SUCLG2: variants seen among roughly 807,000 people sequenced by gnomAD.
SUCLG2 encodes succinate--CoA ligase [GDP-forming] subunit beta, mitochondrial.
SUCLG2 carries 42 observed loss-of-function variants against 47.9 expected under a neutral mutation model. The observed-to-expected ratio is 0.88, with a 90% confidence interval of 0.69 to 1.14. SUCLG2 has a LOEUF of 1.14. Among genes scored for constraint, SUCLG2 ranks in the 50% most tolerant of loss-of-function variants. The pLI is 0.00. For synonymous variants in SUCLG2, 195 were observed against 197.3 expected, an observed-to-expected ratio of 0.99 and a Z score of 0.10; for missense variants, 571 against 525.9, an observed-to-expected ratio of 1.09 and a Z score of -0.84.
intron 9 of SUCLG2, among the ~76,000 whole-genome samples, chr3:67,420,599 T>C (rs1001499053): frequency 6.6e-6 from 1 of 152,212 alleles, no homozygotes; most frequent in Admixed American, 6.5e-5. Context: ...TAATTTGATA[T>C]TGAAGAGCAA....
intron 6 of SUCLG2, among the ~76,000 whole-genome samples, chr3:67,511,077 C>T (rs1440962961): frequency 3.3e-5 from 5 of 151,876 alleles, no homozygotes; most frequent in South Asian, 4.2e-4. Context: ...TTAGTAGAGA[C>T]GGGTTTTCAC....
chr3:67,431,708 G>C (rs1703486110), intron 9 of SUCLG2, among the ~76,000 whole-genome samples: 1 of 150,964 alleles, frequency 6.6e-6, no homozygotes, highest in Non-Finnish European at 1.5e-5. Context: ...TGGACACACG[G>C]TGGGGAACAT....
intron 2 of SUCLG2, among the ~76,000 whole-genome samples, chr3:67,558,060 C>CA (rs1011577165): frequency 6.6e-6 from 1 of 152,170 alleles, no homozygotes; most frequent in Admixed American, 6.5e-5. Flanking sequence ...TCTTCCCTTC[C>CA]AAAGCCTGTC....
At chr3:67,604,653 A>AGAC (rs1346420516) in intron 2 of SUCLG2, among the ~76,000 whole-genome samples, 1 of 151,828 alleles carries the variant, frequency 6.6e-6, no homozygotes, top group African/African-American at 2.4e-5. Flanking sequence ...GGTGGCGAGA[A>AGAC]GAAGAGAAGG....
chr3:67,621,290 G>A (rs938810856), intron 1 of SUCLG2, among the ~76,000 whole-genome samples: 1 of 151,990 alleles, frequency 6.6e-6, no homozygotes, highest in Non-Finnish European at 1.5e-5. Flanking sequence ...TGGTGATGAG[G>A]TAAAGCTTAC....
intron 2 of SUCLG2, among the ~76,000 whole-genome samples, chr3:67,552,690 T>C (rs970565513): frequency 6.6e-6 from 1 of 152,234 alleles, no homozygotes; most frequent in Non-Finnish European, 1.5e-5. Flanking sequence ...CTCAGTTTCT[T>C]CATCTGCAAA....
At chr3:67,370,575 C>T (rs1157939526), downstream of SUCLG2, among the ~76,000 whole-genome samples, 2 of 151,932 alleles carry the variant, frequency 1.3e-5, no homozygotes, top group African/African-American at 4.8e-5. Flanking sequence ...CGAGTGAATG[C>T]CTAAAACCAC....
At chr3:67,390,195 T>G (rs1226559563) in intron 10 of SUCLG2, among the ~76,000 whole-genome samples, 1 of 152,240 alleles carries the variant, frequency 6.6e-6, no homozygotes, top group African/African-American at 2.4e-5. Flanking sequence ...ACCTATTTCC[T>G]GTGAATAAAG....
intron 10 of SUCLG2, among the ~76,000 whole-genome samples, chr3:67,389,929 G>A (rs574530419): frequency 2.0e-5 from 3 of 152,302 alleles, no homozygotes; most frequent in South Asian, 4.1e-4. Flanking sequence ...TAGCTAGGGA[G>A]AGTGAGGTGA....
chr3:67,518,088 G>C (rs929160412), intron 6 of SUCLG2, among the ~76,000 whole-genome samples, 159 bp downstream of exon 6: 1 of 152,022 alleles, frequency 6.6e-6, no homozygotes, highest in Non-Finnish European at 1.5e-5. Flanking sequence ...TAAAACATCA[G>C]GGAAATATTT....
intron 10 of SUCLG2, among the ~76,000 whole-genome samples, chr3:67,399,400 T>C (rs1312367439): frequency 1.3e-5 from 2 of 152,200 alleles, no homozygotes; most frequent in Non-Finnish European, 1.5e-5. Flanking sequence ...ACTGACACAC[T>C]ATAGTTGCTC....
At chr3:67,484,706 T>C (rs1705007830) in intron 9 of SUCLG2, among the ~76,000 whole-genome samples, 1 of 152,176 alleles carries the variant, frequency 6.6e-6, no homozygotes, top group Non-Finnish European at 1.5e-5. Context: ...AAAGAGATTA[T>C]TCAGCGGTGA....
In SUCLG2 at chr3:67,632,333, C is replaced by T. The variant is rs138275269; in HGVS notation, c.84+22170G>A. Among the ~76,000 whole-genome samples the T allele has an allele frequency of 2.9e-3, 436 of 152,212 alleles. 8 individuals are homozygous for T. The East Asian group carries it at 0.051, about 18-fold the overall frequency. On this transcript the variant is annotated intron_variant, in intron 1 of 10. Coordinates refer to ENST00000307227, the MANE Select transcript of SUCLG2 (RefSeq NM_003848.4). ...AAGTAGCTGGGACTACAGGCACGCA[C>T]CACCACACCCAGCTAATTTTTGTAT...
At chr3:67,364,997 A>G (rs1701856957) in intron 10 of SUCLG2, among the ~76,000 whole-genome samples, 1 of 152,240 alleles carries the variant, frequency 6.6e-6, no homozygotes, top group African/African-American at 2.4e-5. Context: ...TATAACTGAA[A>G]AATACAGCAA....
intron 2 of SUCLG2, among the ~76,000 whole-genome samples, chr3:67,575,923 T>C (rs1707730110): frequency 6.6e-6 from 1 of 152,206 alleles, no homozygotes; most frequent in Non-Finnish European, 1.5e-5. Flanking sequence ...TTCTCTGGAT[T>C]CCTAAAGGAC....
At chr3:67,571,073 C>G (rs1199208805) in intron 2 of SUCLG2, among the ~76,000 whole-genome samples, 1 of 152,134 alleles carries the variant, frequency 6.6e-6, no homozygotes, top group Non-Finnish European at 1.5e-5. Context: ...CTACCCTAAA[C>G]AGAGTTAATC....
At chr3:67,430,504 A>G (rs1703447256) in intron 9 of SUCLG2, among the ~76,000 whole-genome samples, 2 of 152,230 alleles carry the variant, frequency 1.3e-5, no homozygotes, top group Admixed American at 1.3e-4. Flanking sequence ...AGCAGGAAAG[A>G]TCCAAAATTG....
chr3:67,633,697 T>C (rs1282538180), intron 1 of SUCLG2, among the ~76,000 whole-genome samples: 1 of 152,142 alleles, frequency 6.6e-6, no homozygotes, highest in Non-Finnish European at 1.5e-5. Flanking sequence ...AAACAAAACT[T>C]TGTTAGGCAG....
At position 67,554,428 on chromosome 3, in the gene SUCLG2, A is replaced by C. The variant is rs542024527; in HGVS notation, c.227-25242T>G. 2.0e-5 allele frequency among the ~76,000 whole-genome samples: 3 copies of C among 152,270 alleles called. No individual in the cohort carries two copies. The East Asian group carries it at 5.8e-4, about 29-fold the overall frequency. The stretch of plus-strand genomic sequence containing the variant: ...TTACACTCAGCTGTAATTCTTACAA[A>C]CTTCTATAAATTGTGTCACTTGATT... On this transcript the variant is annotated intron_variant, in intron 2 of 10. Transcript: ENST00000307227.
Sources: allele counts gnomAD v4.1 joint callset (sites outside exome capture counted in the v4.1 genomes callset), GRCh38; gene constraint gnomAD v4.1.1; transcripts MANE v1.5; gene names NCBI Gene and HGNC (gene_info 2026-07-23, HGNC 2026-07-21).